Variants in GPR137C observed in about 807,000 individuals in gnomAD.
GPR137C encodes the protein integral membrane protein GPR137C.
GPR137C carries 27 observed loss-of-function variants against 43.4 expected under a neutral mutation model. The observed-to-expected ratio is 0.62, with a 90% CI of 0.46 to 0.86. GPR137C has a LOEUF of 0.86. Among genes scored for constraint, GPR137C ranks in the 40% least tolerant of loss-of-function variants. The pLI is 0.00. For missense variants in GPR137C, 522 were observed against 534.6 expected, an observed-to-expected ratio of 0.98 and a Z score of 0.23; for synonymous variants, 285 against 226.9, an observed-to-expected ratio of 1.26 and a Z score of -2.30.
chr14:52,567,816 C>G (rs1339333673), intron 1 of GPR137C, among the ~76,000 whole-genome samples: 1 of 152,084 alleles, frequency 6.6e-6, no homozygotes, highest in Non-Finnish European at 1.5e-5. Context: ...CGTGCCTCCA[C>G]GCCTGGCTAA....
rs552538817 is a variant in GPR137C, at chr14:52,553,261, C to T, written c.114C>T (p.Gly38=). 1.4e-6 allele frequency: 2 copies of T among 1,392,302 alleles called. No homozygotes were observed. The highest frequency in any genetic ancestry group is 1.5e-5 in the South Asian group (1 of 64,924). 86.2% of individuals were successfully genotyped at this position (1,392,302 alleles called of 1,614,324 possible). A position where few individuals can be genotyped will look rare whatever the true frequency, so the allele number is the denominator to read the frequency against. ...GGGGAVAAAS[G]AAVPGSVQLA... is the part of the protein sequence containing the mutation. ...GAGGCGCCGTCGCTGCAGCCTCAGG[C>T]GCCGCGGTGCCGGGCTCCGTGCAGT... Residue 38 remains glycine, a synonymous_variant, in exon 1 of 7, where the codon GGC becomes GGT. Transcript: ENST00000321662.
intron 1 of GPR137C, among the ~76,000 whole-genome samples, chr14:52,553,877 G>C (rs2038144872): frequency 6.6e-6 from 1 of 152,098 alleles, no homozygotes; most frequent in Non-Finnish European, 1.5e-5. Context: ...TCGGTGTTCT[G>C]GCCCTCCGAG....
intron 3 of GPR137C, chr14:52,613,451 T>C (rs2039061971): frequency 6.5e-6 from 1 of 153,036 alleles, no homozygotes; most frequent in Non-Finnish European, 1.5e-5. Flanking sequence ...TTATTAATTC[T>C]TTCTAACTAC....
chr14:52,600,264 C>A lies in GPR137C; in HGVS notation c.640C>A (p.Leu214Ile). ...ATTAATTAATGATAGCCTGTTTATTCTTTGTGCCATCTCTTTAGTGTGTTA... is the reference window on the plus strand; with the variant it reads ...ATTAATTAATGATAGCCTGTTTATTATTTGTGCCATCTCTTTAGTGTGTTA... ...RALINDSLFI[L>I]CAISLVCYIC... The change falls in exon 3 of 7, where the codon CTT becomes ATT. Residue 214 changes from leucine to isoleucine, a missense_variant. Coordinates refer to ENST00000321662, the MANE Select transcript of GPR137C (RefSeq NM_001099652.2). 1 of 1,613,404 alleles carries A rather than the reference C, an allele frequency of 6.2e-7. No homozygotes were observed.
At chr14:52,581,638 T>C (rs1279387882) in intron 1 of GPR137C, among the ~76,000 whole-genome samples, 1 of 152,144 alleles carries the variant, frequency 6.6e-6, no homozygotes. Flanking sequence ...GCAATAACAA[T>C]GGTAAGCTTG....
chr14:52,612,536 C>T (rs924821573), intron 3 of GPR137C: 33 of 979,768 alleles, frequency 3.4e-5, no homozygotes, highest in East Asian at 1.1e-4. Context: ...AGAGCACTCA[C>T]GTATCTTTTA....
At chr14:52,602,478 C>A (rs1373956143) in intron 3 of GPR137C, among the ~76,000 whole-genome samples, 1 of 152,092 alleles carries the variant, frequency 6.6e-6, no homozygotes, top group Non-Finnish European at 1.5e-5. Flanking sequence ...TGTTCTGTGA[C>A]AATAAGATCC....
At chr14:52,561,328 C>A (rs1024272456) in intron 1 of GPR137C, among the ~76,000 whole-genome samples, 3 of 152,156 alleles carry the variant, frequency 2.0e-5, no homozygotes, top group African/African-American at 7.2e-5. Context: ...GTTACAGAAG[C>A]CAGGCGTGGT....
rs1594813515 is a variant in GPR137C, at chr14:52,636,720, A to G, written c.*1605A>G. ...ACAGACAAATAAATTTCTTCTTTTT[A>G]TGATACAAAATGACTTTGTATTCAA... On this transcript the variant is annotated 3_prime_UTR_variant, in exon 7 of 7. Transcript: ENST00000321662. 2 of 152,114 alleles carry G rather than the reference A, an allele frequency of 1.3e-5. No individual in the cohort carries two copies. Among genetic ancestry groups the G allele is most frequent in the Admixed American group, 6.6e-5 (1 of 15,264 alleles). 9.4% of individuals were successfully genotyped at this position (152,114 alleles called of 1,614,324 possible).
At chr14:52,590,249 A>G (rs1016101640) in intron 1 of GPR137C, among the ~76,000 whole-genome samples, 7 of 150,304 alleles carry the variant, frequency 4.7e-5, no homozygotes, top group African/African-American at 1.7e-4. Context: ...ACATTTTACA[A>G]TAGGAAAAAA....
At chr14:52,621,135 A>G (rs1443334729) in intron 3 of GPR137C, among the ~76,000 whole-genome samples, 2 of 151,918 alleles carry the variant, frequency 1.3e-5, no homozygotes, top group African/African-American at 4.8e-5. Flanking sequence ...GCTGCAAACT[A>G]AAAAGAATAA....
chr14:52,588,079 G>A (rs2038735287), intron 1 of GPR137C, among the ~76,000 whole-genome samples: 1 of 152,106 alleles, frequency 6.6e-6, no homozygotes, highest in African/African-American at 2.4e-5. Context: ...AATACAATGG[G>A]AAAACAGTAA....
intron 3 of GPR137C, among the ~76,000 whole-genome samples, chr14:52,625,532 CTTTTTTTTTTTTTTTTTTTTT>C (rs770278309): frequency 1.1e-3 from 39 of 36,058 alleles, no homozygotes; most frequent in Non-Finnish European, 1.6e-3. Context: ...AAGAACACAT[CTTTTTTTTTTTTTTTTTTTTT>C]TTTTTTTTTT....
At chr14:52,594,925 A>G (rs1397426601) in intron 1 of GPR137C, among the ~76,000 whole-genome samples, 3 of 152,172 alleles carry the variant, frequency 2.0e-5, no homozygotes, top group Non-Finnish European at 4.4e-5. Flanking sequence ...GATGATCTGT[A>G]TAATTTGGCA....
chr14:52,558,946 A>T (rs892149666), intron 1 of GPR137C, among the ~76,000 whole-genome samples: 5 of 152,218 alleles, frequency 3.3e-5, no homozygotes, highest in African/African-American at 1.2e-4. Context: ...GGTCCAACAT[A>T]TGTGTAATTG....
At chr14:52,588,576 T>C (rs544532023) in intron 1 of GPR137C, among the ~76,000 whole-genome samples, 19 of 152,248 alleles carry the variant, frequency 1.2e-4, no homozygotes, top group African/African-American at 4.6e-4. Flanking sequence ...CAAAATCTAA[T>C]CATAAGGAAA....
chr14:52,568,945 T>C (rs1420345109), intron 1 of GPR137C, among the ~76,000 whole-genome samples: 3 of 152,230 alleles, frequency 2.0e-5, no homozygotes, highest in Non-Finnish European at 2.9e-5. Flanking sequence ...TGAGCTCTGC[T>C]AAGGGACAGA....
chr14:52,591,062 A>G (rs919419167), intron 1 of GPR137C, among the ~76,000 whole-genome samples: 1 of 139,302 alleles, frequency 7.2e-6, no homozygotes, highest in Non-Finnish European at 1.5e-5. Flanking sequence ...ACTCCCACCT[A>G]TACATGAGAA....
In GPR137C at chr14:52,635,171, G is replaced by GT. The variant is rs1460473569; in HGVS notation, c.*57dup. The GT allele has an allele frequency of 3.0e-6, 4 of 1,354,608 alleles. No homozygotes were observed. The East Asian group carries it at 1.0e-4, about 34-fold the overall frequency. 83.9% of individuals were successfully genotyped at this position (1,354,608 alleles called of 1,614,324 possible). A position where few individuals can be genotyped will look rare whatever the true frequency, so the allele number is the denominator to read the frequency against. On this transcript the variant is annotated 3_prime_UTR_variant, in exon 7 of 7. Transcript: ENST00000321662. ...TTTTTCATAAATGTGTATATTCAAT[G>GT]TGTTTAAATTCCATCTACATAAACA...
Sources: allele counts gnomAD v4.1 joint callset (sites outside exome capture counted in the v4.1 genomes callset), GRCh38; gene constraint gnomAD v4.1.1; transcripts MANE v1.5; gene names NCBI Gene and HGNC (gene_info 2026-07-23, HGNC 2026-07-21).